The following ERAP1 variants were observed in gnomAD, a reference collection of about 807,000 sequenced individuals.
ERAP1 encodes the protein endoplasmic reticulum aminopeptidase 1.
A neutral mutation model predicts 103.7 loss-of-function variants in ERAP1; 86 were observed. The observed-to-expected ratio is 0.83, with a 90% CI of 0.70 to 0.99. The LOEUF is 0.99. Among genes scored for constraint, ERAP1 ranks in the 50% least tolerant of loss-of-function variants. The pLI is 0.00. For missense variants in ERAP1, 1,009 were observed against 1,128.4 expected (o/e 0.89, Z 1.52); for synonymous variants, 398 against 402.4 (o/e 0.99, Z 0.13).
chr5:96,766,951 A>T (rs1706695657), intron 19 of ERAP1, among the ~76,000 whole-genome samples: 2 of 152,180 alleles, frequency 1.3e-5, no homozygotes, highest in Non-Finnish European at 2.9e-5. Flanking sequence ...ATTCCTCAAG[A>T]TAGCAATTCC....
chr5:96,912,494 A>G, the ERAP1 span: 1 of 515,060 alleles, frequency 1.9e-6, no homozygotes, highest in Non-Finnish European at 3.3e-6. Flanking sequence ...TATTTTTATA[A>G]GAGTTCGGCA....
chr5:96,934,890 G>C, the ERAP1 span: 1 of 153,128 alleles, frequency 6.5e-6, no homozygotes, highest in South Asian at 2.1e-4. Flanking sequence ...ATGGCGCGCT[G>C]GGAGGGCGGC....
chr5:96,891,396 TACAC>T, the ERAP1 span, among the ~76,000 whole-genome samples: 5 of 149,764 alleles, frequency 3.3e-5, no homozygotes, highest in East Asian at 2.0e-4. Context: ...TGTGTATACA[TACAC>T]ACACACATAT....
Position 96,790,652 on chromosome 5 carries a change from A to T in ERAP1, c.1321-9T>A. ...TTCAGAATACAAGCTCCCTGAAAAG[A>T]TAATAGAAATAATTGTTATCTATAG... On this transcript the variant is annotated splice_polypyrimidine_tract_variant and intron_variant, in intron 8 of 18. Coordinates refer to ENST00000443439, the MANE Select transcript of ERAP1 (RefSeq NM_001040458.3). 1 of 1,603,562 alleles carries T rather than the reference A, an allele frequency of 6.2e-7. No homozygotes were observed. The highest frequency in any genetic ancestry group is 1.3e-5 in the African/African-American group (1 of 74,824).
chr5:96,801,293 A>G (rs532121966), intron 2 of ERAP1, among the ~76,000 whole-genome samples: 1 of 152,072 alleles, frequency 6.6e-6, no homozygotes, highest in East Asian at 1.9e-4. Context: ...CCCCATCTCT[A>G]CCAAAAATAC....
the ERAP1 span, among the ~76,000 whole-genome samples, chr5:96,832,559 G>A: frequency 9.2e-5 from 14 of 152,312 alleles, no homozygotes; most frequent in South Asian, 2.1e-3. Flanking sequence ...CCTTTGAAAT[G>A]AGGAATGCAT....
the ERAP1 span, chr5:96,880,129 T>C: frequency 6.2e-7 from 1 of 1,614,122 alleles, no homozygotes; most frequent in Admixed American, 1.7e-5. Context: ...ATGAACAAAT[T>C]GCACTGCTGG....
At chr5:96,898,546 G>T in the ERAP1 span, among the ~76,000 whole-genome samples, 2 of 139,122 alleles carry the variant, frequency 1.4e-5, no homozygotes, top group African/African-American at 5.5e-5. Flanking sequence ...TGGCCAACAT[G>T]GTGAAAACCC....
intron 19 of ERAP1, chr5:96,768,086 T>G (rs1770693657): frequency 6.7e-6 from 6 of 890,804 alleles, no homozygotes; most frequent in Non-Finnish European, 1.1e-5. Flanking sequence ...GATTGATCTA[T>G]CTATCGGTCT....
chr5:96,909,664 T>C, the ERAP1 span: 2 of 1,614,056 alleles, frequency 1.2e-6, no homozygotes, highest in Non-Finnish European at 1.7e-6. Context: ...GATGCTCCGC[T>C]CGGCTCTCTT....
the ERAP1 span, among the ~76,000 whole-genome samples, chr5:96,926,174 T>A: frequency 6.6e-6 from 1 of 152,318 alleles, no homozygotes; most frequent in East Asian, 1.9e-4. Context: ...CCTCCCAAAG[T>A]GCTGGGATTA....
At chr5:96,935,844 C>A in the ERAP1 span, 3 of 369,160 alleles carry the variant, frequency 8.1e-6, no homozygotes, top group South Asian at 1.4e-4. Flanking sequence ...GAGAGCGCCG[C>A]AGCCGGGTCC....
At chr5:96,854,657 A>T in the ERAP1 span, among the ~76,000 whole-genome samples, 1 of 152,186 alleles carries the variant, frequency 6.6e-6, no homozygotes, top group Non-Finnish European at 1.5e-5. Context: ...TGAAATCAAG[A>T]CTCTAACACA....
the ERAP1 span, among the ~76,000 whole-genome samples, chr5:96,852,093 A>G: frequency 6.6e-6 from 1 of 151,920 alleles, no homozygotes; most frequent in Non-Finnish European, 1.5e-5. Flanking sequence ...TCATTCATTC[A>G]ACAAACTTAC....
chr5:96,898,846 G>A, the ERAP1 span, among the ~76,000 whole-genome samples: 5 of 152,050 alleles, frequency 3.3e-5, no homozygotes, highest in African/African-American at 9.7e-5. Flanking sequence ...CCATGCTTCC[G>A]CTTAAGCTTC....
chr5:96,913,297 A>T, the ERAP1 span: 2 of 1,607,424 alleles, frequency 1.2e-6, no homozygotes, highest in Non-Finnish European at 1.7e-6. Context: ...TTTAGAAACA[A>T]ATTATTTTTC....
the ERAP1 span, among the ~76,000 whole-genome samples, chr5:96,849,168 T>A: frequency 6.6e-6 from 1 of 152,040 alleles, no homozygotes; most frequent in Admixed American, 6.6e-5. Context: ...AGAGCTAACA[T>A]GATACTCAAA....
chr5:96,792,021 T>C, intron 8 of ERAP1, 40 bp downstream of exon 8: 12 of 1,609,796 alleles, frequency 7.5e-6, no homozygotes, highest in Non-Finnish European at 9.4e-6. Flanking sequence ...TGTATAACTT[T>C]AGTATCTAAA....
the ERAP1 span, among the ~76,000 whole-genome samples, chr5:96,864,989 C>T: frequency 1.3e-5 from 2 of 152,106 alleles, no homozygotes; most frequent in African/African-American, 4.8e-5. Context: ...ACTTCAAAAA[C>T]AAGCCCTGGA....
Sources: gnomAD v4.1 joint callset for allele counts (sites outside exome capture counted in the v4.1 genomes callset) on GRCh38, gnomAD v4.1.1 for gene constraint, MANE v1.5 for transcripts, NCBI Gene and HGNC (gene_info 2026-07-23, HGNC 2026-07-21) for gene names.